The following ASAP1 variants were observed in gnomAD, a reference collection of about 807,000 sequenced individuals.
ASAP1 encodes arf-GAP with SH3 domain, ANK repeat and PH domain-containing protein 1.
In ASAP1, 43 loss-of-function variants were observed where a neutral mutation model predicts 145.2. The ratio of observed to expected loss-of-function variants is 0.30; its 90% CI spans 0.23 to 0.38. The LOEUF is 0.38. ASAP1 is among the 10% of genes least tolerant of loss of function. The pLI is 1.00. For missense variants in ASAP1, 1,018 were observed against 1,355.3 expected (o/e 0.75, Z 3.91); for synonymous variants, 546 against 515.5 (o/e 1.06, Z -0.80).
intron 25 of ASAP1, 29 bp downstream of exon 25, chr8:130,091,944 G>C (rs770125933): frequency 1.3e-6 from 2 of 1,503,076 alleles, no homozygotes; most frequent in African/African-American, 2.9e-5. Context: ...GGCCCCAGCA[G>C]CTTTGGCCCT....
chr8:130,200,033 G>GC lies in ASAP1; in HGVS notation c.406-11851dup, dbSNP rs145708324. Among the ~76,000 whole-genome samples, 13 of 152,296 alleles carry GC rather than the reference G, an allele frequency of 8.5e-5. No homozygotes were observed. The East Asian group carries it at 1.7e-3, about 20-fold the overall frequency. ...AAGTGAGCATCTTAATTTGATCAGA[G>GC]CAAGGCACCAACTATGACCTACCAG... On this transcript the variant is annotated intron_variant, in intron 5 of 29. Transcript: ENST00000518721.
At chr8:130,157,010 T>G (rs114664442) in intron 12 of ASAP1, among the ~76,000 whole-genome samples, 342 of 152,330 alleles carry the variant, frequency 2.2e-3, no homozygotes, top group African/African-American at 7.7e-3. Flanking sequence ...TCAATAGATA[T>G]GTAATAGTAC....
chr8:130,411,334 G>A (rs1217203309), intron 1 of ASAP1, among the ~76,000 whole-genome samples: 1 of 152,220 alleles, frequency 6.6e-6, no homozygotes, highest in Non-Finnish European at 1.5e-5. Context: ...GGAGTGCCAG[G>A]AAATGAATGC....
chr8:130,364,437 T>C lies in ASAP1; in HGVS notation c.60-6294A>G, dbSNP rs565877070. On this transcript the variant is annotated intron_variant, in intron 2 of 29. Coordinates refer to ENST00000518721, the MANE Select transcript of ASAP1 (RefSeq NM_018482.4). ...TGTATTATTCCCCATGTTATATGCA[T>C]GGGAAACCTGAAGCTTAGAGGTTAC... Among the ~76,000 whole-genome samples the C allele has an allele frequency of 4.7e-4, 72 of 152,346 alleles. No individual in the cohort carries two copies. In the South Asian group the frequency reaches 6.2e-3, roughly 13 times the overall value.
intron 23 of ASAP1, among the ~76,000 whole-genome samples, chr8:130,114,607 G>T (rs773662378): frequency 6.6e-6 from 1 of 152,002 alleles, no homozygotes; most frequent in Non-Finnish European, 1.5e-5. Context: ...GACATCTATG[G>T]CATCACTAGG....
chr8:130,072,793 A>ATGTGTGTGTGTGTGTGTGTG lies in ASAP1; in HGVS notation c.2701+3535_2701+3554dup, dbSNP rs1206526066. Among the ~76,000 whole-genome samples, 50 of 102,602 alleles carry ATGTGTGTGTGTGTGTGTGTG rather than the reference A, an allele frequency of 4.9e-4. 1 individual carries two copies. Among genetic ancestry groups the ATGTGTGTGTGTGTGTGTGTG allele is most frequent in the African/African-American group, 1.4e-3 (40 of 28,472 alleles). The allele number at this position is 102,602 out of a possible 152,430, so 67.3% of individuals were successfully genotyped here. A position where few individuals can be genotyped will look rare whatever the true frequency, so the allele number is the denominator to read the frequency against. The stretch of plus-strand genomic sequence containing the variant: ...CTGAAGGCCTGGACTTGCAATTGAT[A>ATGTGTGTGTGTGTGTGTGTG]TGTGTGTGTGTGTGTGTGTGTGTGT... On this transcript the variant is annotated intron_variant, in intron 27 of 29. Coordinates refer to ENST00000518721, the MANE Select transcript of ASAP1 (RefSeq NM_018482.4).
chr8:130,311,037 C>G (rs990939009), intron 3 of ASAP1, among the ~76,000 whole-genome samples: 34 of 152,222 alleles, frequency 2.2e-4, no homozygotes, highest in African/African-American at 8.2e-4. Flanking sequence ...TCAGCAAGGG[C>G]TCCCACAGTG....
At chr8:130,350,718 C>T (rs1026665855) in intron 3 of ASAP1, among the ~76,000 whole-genome samples, 1 of 152,218 alleles carries the variant, frequency 6.6e-6, no homozygotes, top group Admixed American at 6.5e-5. Flanking sequence ...GGTTGGCAAA[C>T]GCCAGAGTAG....
chr8:130,296,894 T>C (rs1822314362), intron 3 of ASAP1, among the ~76,000 whole-genome samples: 1 of 152,176 alleles, frequency 6.6e-6, no homozygotes, highest in Admixed American at 6.5e-5. Flanking sequence ...GGGTTCTTAT[T>C]TACTTTTTCA....
chr8:130,088,889 T>G (rs2097499685), intron 25 of ASAP1, among the ~76,000 whole-genome samples: 1 of 152,228 alleles, frequency 6.6e-6, no homozygotes, highest in Non-Finnish European at 1.5e-5. Context: ...AGCCCCATAT[T>G]ATAGTTGGAG....
intron 2 of ASAP1, among the ~76,000 whole-genome samples, chr8:130,376,954 C>A (rs1286713629): frequency 6.8e-6 from 1 of 147,330 alleles, no homozygotes; most frequent in African/African-American, 2.5e-5. Flanking sequence ...GTTTCACATC[C>A]AAGTTGAAAT....
At chr8:130,297,638 A>G (rs1182486369) in intron 3 of ASAP1, among the ~76,000 whole-genome samples, 1 of 152,154 alleles carries the variant, frequency 6.6e-6, no homozygotes, top group African/African-American at 2.4e-5. Flanking sequence ...TCAGAGTCCT[A>G]CTGCTCCCTG....
At chr8:130,134,274 C>T (rs760314461) in intron 15 of ASAP1, 22 bp downstream of exon 15, 1 of 1,554,340 alleles carries the variant, frequency 6.4e-7, no homozygotes, top group Non-Finnish European at 8.7e-7. Context: ...AGGCATCGCA[C>T]CTTTATTTCA....
intron 25 of ASAP1, among the ~76,000 whole-genome samples, chr8:130,080,198 C>T (rs2097475973): frequency 6.6e-6 from 1 of 152,184 alleles, no homozygotes. Context: ...AAGAGGTGAG[C>T]AGCTGCTCTG....
At chr8:130,159,490 C>G (rs1206949559) in intron 12 of ASAP1, among the ~76,000 whole-genome samples, 1 of 147,008 alleles carries the variant, frequency 6.8e-6, no homozygotes, top group Non-Finnish European at 1.5e-5. Flanking sequence ...GGCGTGGTGG[C>G]AGGCGCCTGC....
At chr8:130,253,546 T>C (rs1187512000) in intron 3 of ASAP1, among the ~76,000 whole-genome samples, 1 of 152,194 alleles carries the variant, frequency 6.6e-6, no homozygotes, top group East Asian at 1.9e-4. Flanking sequence ...GAACAAGCTC[T>C]TTAGATTAGT....
intron 4 of ASAP1, among the ~76,000 whole-genome samples, chr8:130,233,858 T>A (rs1586649872): frequency 6.6e-6 from 1 of 152,196 alleles, no homozygotes; most frequent in South Asian, 2.1e-4. Flanking sequence ...ACAAATTACA[T>A]TGACAAATGC....
At chr8:130,158,453 T>A (rs955578133) in intron 12 of ASAP1, among the ~76,000 whole-genome samples, 1 of 150,154 alleles carries the variant, frequency 6.7e-6, no homozygotes, top group Non-Finnish European at 1.5e-5. Flanking sequence ...AATTGGGAGG[T>A]TGTAGTGAGC....
At chr8:130,215,034 G>C (rs780816515) in intron 4 of ASAP1, among the ~76,000 whole-genome samples, 1 of 151,898 alleles carries the variant, frequency 6.6e-6, no homozygotes, top group Non-Finnish European at 1.5e-5. Flanking sequence ...TTGAGTAGCT[G>C]GGATTAAAGA....
Sources: allele counts gnomAD v4.1 joint callset (sites outside exome capture counted in the v4.1 genomes callset), GRCh38; gene constraint gnomAD v4.1.1; transcripts MANE v1.5; gene names NCBI Gene and HGNC (gene_info 2026-07-23, HGNC 2026-07-21).